Variants in PCDHA3 observed in about 807,000 individuals in gnomAD.
PCDHA3 encodes the protein protocadherin alpha-3.
PCDHA3 carries 41 observed loss-of-function variants against 62.2 expected under a neutral mutation model. That is an observed-to-expected ratio of 0.66 (90% confidence interval 0.51 to 0.86). The LOEUF (loss-of-function observed/expected upper bound fraction) is 0.86, where lower values mean the gene tolerates loss of function less well. PCDHA3 is among the 40% of genes least tolerant of loss of function. The pLI is 0.00. For synonymous variants in PCDHA3, 640 were observed against 555.4 expected, an observed-to-expected ratio of 1.15 and a Z score of -2.14; for missense variants, 1,304 against 1,241.2, an observed-to-expected ratio of 1.05 and a Z score of -0.76.
chr5:140,882,656 C>T, intron 1 of PCDHA3: 1 of 1,614,192 alleles, frequency 6.2e-7, no homozygotes, highest in Non-Finnish European at 8.5e-7. Flanking sequence ...TAACGACAAC[C>T]CGCCCATATT....
intron 1 of PCDHA3, chr5:140,822,508 AT>A: frequency 6.2e-7 from 1 of 1,613,962 alleles, no homozygotes; most frequent in Non-Finnish European, 8.5e-7. Flanking sequence ...TGATAAATCC[AT>A]TTATAATGTC....
intron 1 of PCDHA3, chr5:140,860,992 T>C (rs173699): frequency 1 from 152,392 of 152,392 alleles, 76,196 homozygotes; most frequent in Non-Finnish European, 1. Context: ...CGGCCTCGGC[T>C]TCCCAAAGTG....
chr5:140,908,596 T>C (rs1311064984), intron 1 of PCDHA3, among the ~76,000 whole-genome samples: 1 of 152,120 alleles, frequency 6.6e-6, no homozygotes, highest in African/African-American at 2.4e-5. Flanking sequence ...CTGCAGAAGA[T>C]GGAAGGGCCT....
intron 1 of PCDHA3, chr5:140,968,816 G>A: frequency 6.2e-7 from 1 of 1,614,144 alleles, no homozygotes. Context: ...GGTGGATAGG[G>A]TTTCCAAAAT....
intron 1 of PCDHA3, chr5:140,866,390 T>C (rs2049324113): frequency 6.6e-6 from 1 of 152,134 alleles, no homozygotes; most frequent in Non-Finnish European, 1.5e-5. Flanking sequence ...TTTAAAGACA[T>C]AGATTCCCAT....
Position 141,009,823 on chromosome 5 carries a change from C to T in PCDHA3, c.2739C>T (p.Phe913=), listed in dbSNP as rs2098414711. Residue 913 remains phenylalanine, a synonymous_variant, in exon 4 of 4, where the codon TTC becomes TTT. Transcript: ENST00000522353. The part of the protein sequence containing the change: ...PTNSQIDKSD[F]ITFGKKEETK... ...ACAGCCAAATTGACAAAAGTGACTTCATAACCTTCGGCAAAAAGGAGGAGA... is the reference window on the plus strand; with the variant it reads ...ACAGCCAAATTGACAAAAGTGACTTTATAACCTTCGGCAAAAAGGAGGAGA... 4 of 1,614,030 alleles carry T rather than the reference C, an allele frequency of 2.5e-6. No individual in the cohort carries two copies. The highest frequency in any genetic ancestry group is 3.4e-6 in the Non-Finnish European group (4 of 1,180,010).
chr5:140,834,582 G>A, intron 1 of PCDHA3: 1 of 1,614,134 alleles, frequency 6.2e-7, no homozygotes, highest in Non-Finnish European at 8.5e-7. Context: ...GTTCCGGGCG[G>A]TGTGCAAATT....
At chr5:140,945,437 A>T (rs2093790061) in intron 1 of PCDHA3, among the ~76,000 whole-genome samples, 1 of 152,192 alleles carries the variant, frequency 6.6e-6, no homozygotes, top group South Asian at 2.1e-4. Context: ...TTTTACAGAA[A>T]TATAAAAAAC....
At chr5:140,811,529 TG>T (rs1172888039) in intron 1 of PCDHA3, 1 of 152,210 alleles carries the variant, frequency 6.6e-6, no homozygotes, top group Non-Finnish European at 1.5e-5. Flanking sequence ...TACCCAGTAA[TG>T]GGTCAAATGG....
chr5:140,828,369 A>C, intron 1 of PCDHA3: 1 of 1,614,252 alleles, frequency 6.2e-7, no homozygotes, highest in Non-Finnish European at 8.5e-7. Context: ...ATCGACCGCG[A>C]GGAGCTGTGC....
chr5:140,803,361 C>T lies in PCDHA3; in HGVS notation c.2164C>T (p.Arg722Trp), dbSNP rs372773080. ...CACACTGCTGCTATATACTGCTCTG[C>T]GGTGCTCCGCGCCGCCAACCGAAGG... is the stretch of plus-strand genomic sequence containing the variant. ...VLTLLLYTAL[R>W]CSAPPTEGDC... Residue 722 changes from arginine to tryptophan, a missense_variant, in exon 1 of 4, where the codon CGG (arginine) becomes TGG (tryptophan). Transcript: ENST00000522353. The T allele has an allele frequency of 1.4e-5, 23 of 1,614,192 alleles. No homozygotes were observed. Among genetic ancestry groups the T allele is most frequent in the Non-Finnish European group, 1.9e-5 (23 of 1,180,020 alleles).
chr5:140,847,832 C>T (rs1426202743), intron 1 of PCDHA3: 2 of 149,636 alleles, frequency 1.3e-5, no homozygotes, highest in Non-Finnish European at 3.0e-5. Context: ...AGAAAACTAC[C>T]TCAGTTGGTT....
chr5:140,936,200 T>C (rs906256264), intron 1 of PCDHA3, among the ~76,000 whole-genome samples: 4 of 152,322 alleles, frequency 2.6e-5, no homozygotes, highest in African/African-American at 7.2e-5. Context: ...GCCAAAGTTG[T>C]CTTTTTTATT....
chr5:140,871,577 G>A, intron 1 of PCDHA3: 1 of 1,474,316 alleles, frequency 6.8e-7, no homozygotes, highest in Non-Finnish European at 9.0e-7. Flanking sequence ...ATTTTTTAAG[G>A]GAAAGTTTTA....
At chr5:140,862,348 C>T (rs1404239338) in intron 1 of PCDHA3, 1 of 336,670 alleles carries the variant, frequency 3.0e-6, no homozygotes, top group Non-Finnish European at 5.9e-6. Context: ...ACTTCAGTGC[C>T]AAGGGACAGA....
At chr5:140,863,166 G>T (rs782088342) in intron 1 of PCDHA3, 4 of 672,474 alleles carry the variant, frequency 5.9e-6, no homozygotes, top group African/African-American at 5.4e-5. Flanking sequence ...GCGAGCTGGC[G>T]CTGACTGCCA....
intron 1 of PCDHA3, chr5:140,876,687 C>CA (rs2056504367): frequency 1.2e-6 from 2 of 1,614,212 alleles, no homozygotes; most frequent in Non-Finnish European, 1.7e-6. Context: ...AGAATTACTA[C>CA]TCGTTGGTGC....
intron 1 of PCDHA3, chr5:140,850,278 C>T: frequency 6.3e-7 from 1 of 1,595,340 alleles, no homozygotes; most frequent in Non-Finnish European, 8.6e-7. Flanking sequence ...GGGGAAGGTG[C>T]GCGCAGTGGA....
In PCDHA3 at chr5:140,897,362, T is replaced by C. The variant is rs1395353589; in HGVS notation, c.2395-81587T>C. Among the ~76,000 whole-genome samples the C allele has an allele frequency of 2.5e-5, 3 of 120,464 alleles. No homozygotes were observed. The East Asian group carries it at 7.6e-4, about 30-fold the overall frequency. 79.0% of individuals were successfully genotyped at this position (120,464 alleles called of 152,430 possible). ...CCCCACCCCACAACTGTCCCCAGAG[T>C]GTGATGTTCCCTTCCCCTTCCTGTG... On this transcript the variant is annotated intron_variant, in intron 1 of 3. Coordinates refer to ENST00000522353, the MANE Select transcript of PCDHA3 (RefSeq NM_018906.3).
Sources: allele counts gnomAD v4.1 joint callset (sites outside exome capture counted in the v4.1 genomes callset), GRCh38; gene constraint gnomAD v4.1.1; transcripts MANE v1.5; gene names NCBI Gene and HGNC (gene_info 2026-07-23, HGNC 2026-07-21).